The following ENTREP2 variants were observed in gnomAD, a reference collection of about 807,000 sequenced individuals.
ENTREP2 encodes protein ENTREP2.
At chr15:29,630,497 T>C in the ENTREP2 span, among the ~76,000 whole-genome samples, 3 of 152,306 alleles carry the variant, frequency 2.0e-5, no homozygotes, top group African/African-American at 4.8e-5. Flanking sequence ...ACTTAGCTTT[T>C]TGAATCTAAG....
chr15:29,605,082 T>C, the ENTREP2 span, among the ~76,000 whole-genome samples: 95 of 152,270 alleles, frequency 6.2e-4, no homozygotes, highest in African/African-American at 2.1e-3. Context: ...TATGTGAAGC[T>C]CAAATGCTGC....
chr15:29,436,192 C>T, the ENTREP2 span, among the ~76,000 whole-genome samples: 9 of 152,246 alleles, frequency 5.9e-5, no homozygotes, highest in African/African-American at 2.2e-4. Context: ...TGTAAAACAC[C>T]TGACACTGAC....
At chr15:29,613,666 C>T in the ENTREP2 span, 20 of 175,690 alleles carry the variant, frequency 1.1e-4, no homozygotes, top group South Asian at 2.0e-3. Context: ...TCCGCACCCT[C>T]GAGCTGACCA....
chr15:29,525,655 T>C, the ENTREP2 span, among the ~76,000 whole-genome samples: 1 of 152,232 alleles, frequency 6.6e-6, no homozygotes, highest in African/African-American at 2.4e-5. Context: ...ATATGCGGTA[T>C]AATTCCATTC....
chr15:29,423,176 A>C, the ENTREP2 span, among the ~76,000 whole-genome samples: 3 of 152,124 alleles, frequency 2.0e-5, no homozygotes, highest in African/African-American at 7.2e-5. Context: ...GCCTGCCCCA[A>C]ATGTGACCTT....
chr15:29,517,145 A>G, the ENTREP2 span, among the ~76,000 whole-genome samples: 1 of 152,156 alleles, frequency 6.6e-6, no homozygotes, highest in Admixed American at 6.5e-5. Context: ...GAAATACCAC[A>G]GGAAGCGGGG....
At chr15:29,660,754 T>C in the ENTREP2 span, among the ~76,000 whole-genome samples, 284 of 152,342 alleles carry the variant, frequency 1.9e-3, no homozygotes, top group Non-Finnish European at 3.0e-3. Flanking sequence ...AATCCAATAA[T>C]TACAGTTGAC....
At chr15:29,333,501 G>T in the ENTREP2 span, among the ~76,000 whole-genome samples, 1 of 152,088 alleles carries the variant, frequency 6.6e-6, no homozygotes, top group South Asian at 2.1e-4. Flanking sequence ...CACAGTACCT[G>T]CATGGCCCTC....
chr15:29,417,780 T>C, the ENTREP2 span, among the ~76,000 whole-genome samples: 2 of 152,196 alleles, frequency 1.3e-5, no homozygotes, highest in Non-Finnish European at 2.9e-5. Context: ...AATCAAGATT[T>C]GATTTTCTCT....
the ENTREP2 span, among the ~76,000 whole-genome samples, chr15:29,633,918 C>T: frequency 6.6e-6 from 1 of 152,052 alleles, no homozygotes; most frequent in Non-Finnish European, 1.5e-5. Flanking sequence ...GAGATCGTGC[C>T]TCTGCACTCC....
chr15:29,574,643 G>A, the ENTREP2 span, among the ~76,000 whole-genome samples: 3 of 152,316 alleles, frequency 2.0e-5, no homozygotes, highest in Non-Finnish European at 2.9e-5. Context: ...GCTTCTTGCT[G>A]AAAGACAGGT....
the ENTREP2 span, among the ~76,000 whole-genome samples, chr15:29,308,730 C>T: frequency 2.4e-4 from 37 of 152,270 alleles, no homozygotes; most frequent in African/African-American, 7.2e-4. Context: ...GAATACCCAA[C>T]CCCAACATAT....
the ENTREP2 span, among the ~76,000 whole-genome samples, chr15:29,362,001 C>T: frequency 1.3e-5 from 2 of 152,160 alleles, no homozygotes; most frequent in Non-Finnish European, 1.5e-5. Context: ...CTTCACAGCA[C>T]ATTAACCAAC....
At chr15:29,647,490 T>TTACAGGCAAATGTACTGTAATGTACAG in the ENTREP2 span, among the ~76,000 whole-genome samples, 1 of 152,208 alleles carries the variant, frequency 6.6e-6, no homozygotes. Context: ...CCAGTTTCAC[T>TTACAGGCAAATGTACTGTAATGTACAG]TACAGGCAAA....
chr15:29,535,256 AAAT>A, the ENTREP2 span, among the ~76,000 whole-genome samples: 1 of 152,158 alleles, frequency 6.6e-6, no homozygotes, highest in Non-Finnish European at 1.5e-5. Context: ...ATCTCTAAAA[AAAT>A]AATAATAAAA....
chr15:29,372,385 A>C, the ENTREP2 span, among the ~76,000 whole-genome samples: 4 of 152,232 alleles, frequency 2.6e-5, no homozygotes, highest in Non-Finnish European at 5.9e-5. Flanking sequence ...ACAGCATATA[A>C]TACATCTAAC....
the ENTREP2 span, among the ~76,000 whole-genome samples, chr15:29,573,157 T>C: frequency 1.3e-5 from 2 of 152,172 alleles, no homozygotes; most frequent in Admixed American, 1.3e-4. Flanking sequence ...TATTTATTTA[T>C]TTAAGAAAGG....
the ENTREP2 span, among the ~76,000 whole-genome samples, chr15:29,273,381 A>C: frequency 1.3e-5 from 2 of 151,946 alleles, no homozygotes; most frequent in Non-Finnish European, 1.5e-5. Flanking sequence ...TATTTTTAAT[A>C]GAGATGGGGT....
At chr15:29,201,539 TTC>T in the ENTREP2 span, among the ~76,000 whole-genome samples, 4 of 152,358 alleles carry the variant, frequency 2.6e-5, no homozygotes, top group East Asian at 7.7e-4. Flanking sequence ...GCCATGCAGT[TTC>T]TCTTCTTTAG....
Sources: allele counts gnomAD v4.1 joint callset (sites outside exome capture counted in the v4.1 genomes callset), GRCh38; gene constraint gnomAD v4.1.1; transcripts MANE v1.5; gene names NCBI Gene and HGNC (gene_info 2026-07-23, HGNC 2026-07-21).